The following TBC1D9B variants were observed in gnomAD, a reference collection of about 807,000 sequenced individuals.
The protein encoded by TBC1D9B is TBC1 domain family, member 9B (with GRAM domain).
Under a neutral mutation model 121.1 loss-of-function variants are expected in TBC1D9B, and 87 were observed. The observed-to-expected ratio is 0.72, with a 90% CI of 0.60 to 0.86. The LOEUF is 0.86. Among genes scored for constraint, TBC1D9B ranks in the 40% least tolerant of loss-of-function variants. TBC1D9B has a pLI of 0.00. For synonymous variants in TBC1D9B, 668 were observed against 670.1 expected (o/e 1.00, Z 0.05); for missense variants, 1,540 against 1,628.6 (o/e 0.95, Z 0.94).
chr5:179,889,230 A>G (rs899343606), intron 6 of TBC1D9B, among the ~76,000 whole-genome samples: 1 of 151,790 alleles, frequency 6.6e-6, no homozygotes, highest in Non-Finnish European at 1.5e-5. Context: ...GGGTTTCACC[A>G]TGTTAGCCAG....
Position 179,904,724 on chromosome 5 carries a change from C to G in TBC1D9B, c.207G>C (p.Gln69His). The change falls in exon 2 of 21, where the codon CAG (glutamine) becomes CAC (histidine). Residue 69 changes from glutamine (Q) to histidine (H), a missense_variant. Transcript: ENST00000355235. The surrounding 1 kb of genome is among the most constrained non-coding windows in gnomAD (Gnocchi z 4.2). ...TACCACACGCCACTGTCCAGTAGAC[C>G]TGGGAGTCCTGGGTCTGGTGCAGGA... is the stretch of plus-strand genomic sequence containing the variant. ...YRILHQTQDSQVYWTVACGSS... is the reference protein window; with the variant it reads ...YRILHQTQDSHVYWTVACGSS... 3 of 1,574,220 alleles carry G rather than the reference C, an allele frequency of 1.9e-6. No individual in the cohort carries two copies. The highest frequency in any genetic ancestry group is 1.3e-5 in the African/African-American group (1 of 74,262).
rs750207167 is a variant in TBC1D9B, at chr5:179,893,434, C to T, written c.611G>A (p.Arg204His). 4.0e-5 allele frequency: 64 copies of T among 1,611,952 alleles called. No individual in the cohort carries two copies. Among genetic ancestry groups the T allele is most frequent in the Non-Finnish European group, 4.6e-5 (54 of 1,178,582 alleles). ...SLVVQWVDIT[R>H]LEKNATLLFP... Reference sequence around the variant, plus strand: ...GAGCAGGGTGGCGTTCTTCTCCAGACGCGTTATGTCCACCCACTGCACCAC... The same window carrying T: ...GAGCAGGGTGGCGTTCTTCTCCAGATGCGTTATGTCCACCCACTGCACCAC... The change falls in exon 5 of 21, where the codon CGT becomes CAT. Residue 204 changes from arginine to histidine, a missense_variant. Physicochemically the swap from Arg to His is conservative, Grantham distance 29. Coordinates refer to ENST00000355235, the MANE Select transcript of TBC1D9B (RefSeq NM_015043.4).
chr5:179,871,682 G>C lies in TBC1D9B; in HGVS notation c.2416-152C>G, dbSNP rs141145882. 3.1e-3 allele frequency: 2,246 copies of C among 718,264 alleles called. 38 individuals carry two copies. The African/African-American group carries it at 0.035, about 11-fold the overall frequency. The allele number at this position is 718,264 out of a possible 1,614,324, so 44.5% of individuals were successfully genotyped here. ...ACTCAAGGGCGGACCCTTCGGGAGA[G>C]AGCGAGGCCCACAGCCCATCCCTGG... is the stretch of plus-strand genomic sequence containing the variant. On this transcript the variant is annotated intron_variant, in intron 14 of 20. Coordinates refer to ENST00000355235, the MANE Select transcript of TBC1D9B (RefSeq NM_015043.4).
At chr5:179,899,329 A>G (rs1159611880) in intron 2 of TBC1D9B, 22 bp from the exon 3 acceptor site, 13 of 1,604,694 alleles carry the variant, frequency 8.1e-6, no homozygotes, top group Admixed American at 1.7e-5. Flanking sequence ...TTGGTAAAGT[A>G]AAAGAAAAAT....
chr5:179,893,004 C>A (rs1361466196), intron 5 of TBC1D9B, among the ~76,000 whole-genome samples: 10 of 152,244 alleles, frequency 6.6e-5, no homozygotes, highest in Non-Finnish European at 1.3e-4. Context: ...TAGTGGTATC[C>A]TCAGGACATC....
intron 6 of TBC1D9B, among the ~76,000 whole-genome samples, chr5:179,889,079 G>A (rs1236308246): frequency 1.3e-5 from 2 of 151,958 alleles, no homozygotes; most frequent in Non-Finnish European, 2.9e-5. Context: ...GCCCAGGCTG[G>A]AGTGCAGTGG....
At chr5:179,903,723 T>C (rs1047515561) in intron 2 of TBC1D9B, among the ~76,000 whole-genome samples, 14 of 152,336 alleles carry the variant, frequency 9.2e-5, no homozygotes, top group Admixed American at 9.2e-4. Flanking sequence ...ACAGATCTCC[T>C]TCACAAGGCA....
In TBC1D9B at chr5:179,904,895, C is replaced by G. The variant is rs1582110131; in HGVS notation, c.119-83G>C. On this transcript the variant is annotated intron_variant, in intron 1 of 20. Coordinates refer to ENST00000355235, the MANE Select transcript of TBC1D9B (RefSeq NM_015043.4). This position sits in a 1 kb window ranked among gnomAD's most constrained non-coding sequence, Gnocchi z 4.2. ...AAGGCTGAGTCTGGCCGGAGGCAGA[C>G]AGGATGGTGACGCTACCCAAAGGGT... The G allele has an allele frequency of 8.9e-7, 1 of 1,129,804 alleles. No homozygotes were observed. Among genetic ancestry groups the G allele is most frequent in the Non-Finnish European group, 1.3e-6 (1 of 797,720 alleles). 70.0% of individuals were successfully genotyped at this position (1,129,804 alleles called of 1,614,324 possible).
rs775597391 is a variant in TBC1D9B at position 179,890,894 on chromosome 5, C to T, written c.1044+485G>A. ...CCAATGCAGCCTCACAGGGGAGAGC[C>T]GACGCCGCCCCACAGGGGAGAGCCG... On this transcript the variant is annotated intron_variant, in intron 6 of 20. Transcript: ENST00000355235. This position sits in a 1 kb window ranked among gnomAD's most constrained non-coding sequence, Gnocchi z 5.0. 1.3e-5 allele frequency among the ~76,000 whole-genome samples: 2 copies of T among 152,114 alleles called. No homozygotes were observed. Among genetic ancestry groups the T allele is most frequent in the African/African-American group, 4.8e-5 (2 of 41,430 alleles).
At chr5:179,906,217 T>G (rs1413187776) in intron 1 of TBC1D9B, among the ~76,000 whole-genome samples, 1 of 152,146 alleles carries the variant, frequency 6.6e-6, no homozygotes, top group East Asian at 1.9e-4. Flanking sequence ...ACGATGCCCA[T>G]GATGGCACAG....
intron 3 of TBC1D9B, among the ~76,000 whole-genome samples, chr5:179,894,889 G>T (rs1313719769): frequency 1.3e-5 from 2 of 152,164 alleles, no homozygotes; most frequent in East Asian, 1.9e-4. Flanking sequence ...TTAAGACAGG[G>T]TCTCACTCTG....
In TBC1D9B at chr5:179,872,887, C is replaced by G; in HGVS notation, c.2415+5G>C. On this transcript the variant is annotated splice_donor_5th_base_variant and intron_variant, in intron 14 of 20. Coordinates refer to ENST00000355235, the MANE Select transcript of TBC1D9B (RefSeq NM_015043.4). ...GCCCCTGCCCAGCCCTGCTGGCACC[C>G]ATACCACACTCCTCTTGGCCGTGTC... 1 of 1,613,368 alleles carries G rather than the reference C, an allele frequency of 6.2e-7. No homozygotes were observed. The highest frequency in any genetic ancestry group is 1.1e-5 in the South Asian group (1 of 91,080).
At position 179,864,120 on chromosome 5, in the gene TBC1D9B, G is replaced by T; in HGVS notation, c.3030C>A (p.Phe1010Leu). Residue 1010 changes from phenylalanine (F) to leucine (L), a missense_variant, in exon 21 of 21, where the codon TTC (phenylalanine) becomes TTA (leucine). Phe to Leu is a conservative substitution (Grantham distance 22). Coordinates refer to ENST00000355235, the MANE Select transcript of TBC1D9B (RefSeq NM_015043.4). ...KDLPKMNQEQ[F>L]IELCKTLYNM... ...TGTAAAGCGTCTTGCACAGCTCAAT[G>T]AACTGCTCCTTTTAGGGAGAAAAAC... 2 of 1,598,814 alleles carry T rather than the reference G, an allele frequency of 1.3e-6. No homozygotes were observed. The highest frequency in any genetic ancestry group is 1.1e-5 in the South Asian group (1 of 90,142).
At position 179,862,618 on chromosome 5, in the gene TBC1D9B, T is replaced by C. The variant is rs928986793; in HGVS notation, c.*830A>G. 6.6e-6 allele frequency: 3 copies of C among 456,184 alleles called. No individual in the cohort carries two copies. The highest frequency in any genetic ancestry group is 4.0e-5 in the African/African-American group (2 of 50,072). The allele number at this position is 456,184 out of a possible 1,614,324, so 28.3% of individuals were successfully genotyped here. On this transcript the variant is annotated 3_prime_UTR_variant, in exon 21 of 21. Transcript: ENST00000355235. ...GCAGACCTTGCACTCTTCCACCCAC[T>C]GTGGAGGACTAAGTGTCTTGAACTT...
chr5:179,879,047 C>A lies in TBC1D9B; in HGVS notation c.1567G>T (p.Gly523Trp), dbSNP rs766343754. 1 of 1,601,224 alleles carries A rather than the reference C, an allele frequency of 6.2e-7. No homozygotes were observed. Among genetic ancestry groups the A allele is most frequent in the Non-Finnish European group, 8.5e-7 (1 of 1,179,684 alleles). ...LRGELWLLFS[G>W]AWNEMVTHPG... ...CTGGGGGTGGCTGCACCCCACTCAC[C>A]GGAGAAGAGGAGCCACAGCTCTCCC... The change falls in exon 9 of 21, where the codon GGG becomes TGG. Residue 523 changes from glycine to tryptophan, a missense_variant and splice_region_variant. Coordinates refer to ENST00000355235, the MANE Select transcript of TBC1D9B (RefSeq NM_015043.4).
In TBC1D9B at chr5:179,878,447, CA is replaced by C; in HGVS notation, c.1643del (p.Leu548ArgfsTer33). On this transcript the variant is annotated frameshift_variant, in exon 10 of 21. Coordinates refer to ENST00000355235, the MANE Select transcript of TBC1D9B (RefSeq NM_015043.4). LOFTEE classifies it high-confidence loss of function. The stretch of plus-strand genomic sequence containing the variant: ...GGTCTCGCTCGATCTCCTCTGTGGC[CA>C]GGCTGTACTTCCCGGTGGACTTCTC... ...LVEKSTGKYSLATEEIERDLH... is the reference protein window; with the variant it reads ...LVEKSTGKYSXATEEIERDLH... 1 of 1,613,052 alleles carries C rather than the reference CA, an allele frequency of 6.2e-7. No homozygotes were observed. The highest frequency in any genetic ancestry group is 8.5e-7 in the Non-Finnish European group (1 of 1,179,618).
rs546634706 is a variant in TBC1D9B, at chr5:179,870,475, C to T, written c.2505G>A (p.Gln835=). The T allele has an allele frequency of 6.2e-7, 1 of 1,610,880 alleles. No individual in the cohort carries two copies. The highest frequency in any genetic ancestry group is 8.5e-7 in the Non-Finnish European group (1 of 1,179,762). The part of the protein sequence containing the change: ...MVFKAKHLAS[Q]YWGCSRTMAG... The stretch of plus-strand genomic sequence containing the variant: ...CCATTGTGCGGCTGCACCCCCAGTA[C>T]TGGCTAGCCAGGTGCTTGGCCTGTG... The change falls in exon 16 of 21, where the codon CAG becomes CAA. Residue 835 remains glutamine (Q), a synonymous_variant. Transcript: ENST00000355235.
intron 6 of TBC1D9B, among the ~76,000 whole-genome samples, chr5:179,889,386 G>C (rs1760792894): frequency 1.3e-5 from 2 of 152,064 alleles, no homozygotes; most frequent in Non-Finnish European, 2.9e-5. Context: ...CCTGGGCGCA[G>C]GTCTGAGAGG....
rs1554098283 is a variant in TBC1D9B at position 179,904,220 on chromosome 5, C to CTTTCTCT, written c.229+481_229+482insAGAGAAA. ...CTGTCCCCATGACCAGTGGAGCTGC[C>CTTTCTCT]TTTTTTTTTTTTTTTTTTTTTTGAG... On this transcript the variant is annotated intron_variant, in intron 2 of 20. Coordinates refer to ENST00000355235, the MANE Select transcript of TBC1D9B (RefSeq NM_015043.4). The surrounding 1 kb of genome is among the most constrained non-coding windows in gnomAD (Gnocchi z 4.2). Among the ~76,000 whole-genome samples, 1 of 80,898 alleles carries CTTTCTCT rather than the reference C, an allele frequency of 1.2e-5. No homozygotes were observed. The highest frequency in any genetic ancestry group is 5.0e-5 in the African/African-American group (1 of 19,972). 53.1% of individuals were successfully genotyped at this position (80,898 alleles called of 152,430 possible).
Sources: gnomAD v4.1 joint callset for allele counts (sites outside exome capture counted in the v4.1 genomes callset) on GRCh38, gnomAD v4.1.1 for gene constraint, Gnocchi (gnomAD v3.1) non-coding constraint, MANE v1.5 for transcripts, NCBI Gene and HGNC (gene_info 2026-07-23, HGNC 2026-07-21) for gene names.